SNTA1: variants seen among roughly 807,000 people sequenced by gnomAD.
SNTA1 encodes the protein alpha-1-syntrophin.
In SNTA1, 31 loss-of-function variants were observed where a neutral mutation model predicts 47.1. That is an observed-to-expected ratio of 0.66 (90% CI 0.49 to 0.89). The LOEUF is 0.89. Ranked by LOEUF, SNTA1 falls within the 40% of genes least tolerant of loss-of-function variation. SNTA1 has a pLI of 0.00. For synonymous variants in SNTA1, 300 were observed against 313.6 expected (o/e 0.96, Z 0.46); for missense variants, 575 against 693.0 (o/e 0.83, Z 1.91).
At chr20:33,435,509 C>T (rs555510172) in intron 2 of SNTA1, among the ~76,000 whole-genome samples, 2 of 152,210 alleles carry the variant, frequency 1.3e-5, no homozygotes, top group African/African-American at 4.8e-5. Context: ...CAGAGAATCG[C>T]TTGAACCTGG....
intron 2 of SNTA1, among the ~76,000 whole-genome samples, chr20:33,437,163 G>A (rs1403179587): frequency 2.6e-5 from 4 of 151,240 alleles, no homozygotes; most frequent in East Asian, 1.9e-4. Context: ...CTCAGGAGGC[G>A]GAGGCAGAAG....
At chr20:33,416,541 A>G (rs1183190441) in intron 3 of SNTA1, among the ~76,000 whole-genome samples, 1 of 152,172 alleles carries the variant, frequency 6.6e-6, no homozygotes, top group Non-Finnish European at 1.5e-5. Context: ...ACGATGGCTC[A>G]TGCCTGTAAT....
rs140739680 is a variant in SNTA1 at position 33,437,691 on chromosome 20, C to T, written c.496+1150G>A. Among the ~76,000 whole-genome samples, 550 of 152,300 alleles carry T rather than the reference C, an allele frequency of 3.6e-3. 7 individuals carry two copies. The highest frequency in any genetic ancestry group is 0.017 in the Middle Eastern group (5 of 294). The stretch of plus-strand genomic sequence containing the variant: ...CCGTGTTATTCTCCATCAGCCCCCG[C>T]CACCTCCCTGTGCCTGTTCTGGGCC... On this transcript the variant is annotated intron_variant, in intron 2 of 7. Coordinates refer to ENST00000217381, the MANE Select transcript of SNTA1 (RefSeq NM_003098.3).
At position 33,408,682 on chromosome 20, in the gene SNTA1, GA is replaced by G. The variant is rs746145193; in HGVS notation, c.1425+18del. The G allele has an allele frequency of 2.2e-4, 352 of 1,613,548 alleles. 1 individual carries two copies. Among genetic ancestry groups the G allele is most frequent in the Non-Finnish European group, 2.8e-4 (329 of 1,179,608 alleles). ...CACACCCCCTCCTCCCCAGGGTGCA[GA>G]GGCAGCCCCTCACTCACGATCTCGC... is the stretch of plus-strand genomic sequence containing the variant. On this transcript the variant is annotated intron_variant, in intron 7 of 7. Coordinates refer to ENST00000217381, the MANE Select transcript of SNTA1 (RefSeq NM_003098.3).
intron 2 of SNTA1, among the ~76,000 whole-genome samples, chr20:33,428,798 T>G (rs537580376): frequency 1.3e-5 from 2 of 152,272 alleles, no homozygotes; most frequent in South Asian, 4.1e-4. Context: ...TCCAGCAGTC[T>G]GGGAGGCCGA....
chr20:33,433,510 G>A (rs1990363506), intron 2 of SNTA1, among the ~76,000 whole-genome samples: 2 of 150,992 alleles, frequency 1.3e-5, no homozygotes, highest in Admixed American at 1.3e-4. Flanking sequence ...CAGTTGATCT[G>A]CCTGCCTCAG....
chr20:33,430,287 C>CTTT (rs951409757), intron 2 of SNTA1, among the ~76,000 whole-genome samples: 28 of 131,516 alleles, frequency 2.1e-4, no homozygotes, highest in East Asian at 4.4e-4. Flanking sequence ...TTACTTTTTT[C>CTTT]TTTTTTTTTT....
Position 33,414,781 on chromosome 20 carries a change from C to T in SNTA1, c.702-1999G>A, listed in dbSNP as rs149982727. Among the ~76,000 whole-genome samples, 733 of 152,202 alleles carry T rather than the reference C, an allele frequency of 4.8e-3. 6 individuals carry two copies. The highest frequency in any genetic ancestry group is 7.0e-3 in the Non-Finnish European group (476 of 67,998). ...TGCCTCCACGAAGAAGAAAACCGCC[C>T]ATAATTAAAATGGTAGAGCAGGAAG... is the stretch of plus-strand genomic sequence containing the variant. On this transcript the variant is annotated intron_variant, in intron 3 of 7. Transcript: ENST00000217381.
At position 33,438,897 on chromosome 20, in the gene SNTA1, G is replaced by A. The variant is rs141724500; in HGVS notation, c.440C>T (p.Thr147Ile). 2.2e-5 allele frequency: 35 copies of A among 1,613,988 alleles called. No individual in the cohort carries two copies. In the South Asian group the frequency reaches 3.8e-4, roughly 18 times the overall value. The change falls in exon 2 of 8, where the codon ACC becomes ATC. Residue 147 changes from threonine to isoleucine, a missense_variant. By Grantham distance (89) the Thr-to-Ile change is moderately conservative (BLOSUM62 -1). Transcript: ENST00000217381. ...SVNGEDLSSA[T>I]HDEAVQVLKK... ...GAGGACCTGCACCGCCTCATCATGG[G>A]TAGCAGAGGACAAGTCTTCCCCATT...
chr20:33,409,757 A>T (rs1989692120), intron 6 of SNTA1, among the ~76,000 whole-genome samples: 1 of 151,762 alleles, frequency 6.6e-6, no homozygotes, highest in African/African-American at 2.4e-5. Context: ...CAGCCTCCCG[A>T]GTAGCTAGGA....
At chr20:33,422,703 G>A (rs114030199) in intron 2 of SNTA1, among the ~76,000 whole-genome samples, 1,585 of 152,220 alleles carry the variant, frequency 0.01, 21 homozygotes, top group African/African-American at 0.037. Context: ...AAGGTGGGAG[G>A]CTTGCTTGAG....
chr20:33,430,935 C>A (rs1384287004), intron 2 of SNTA1, among the ~76,000 whole-genome samples: 1 of 149,374 alleles, frequency 6.7e-6, no homozygotes, highest in Non-Finnish European at 1.5e-5. Context: ...GGCAACAGAG[C>A]GAGACTCCGT....
chr20:33,428,017 T>A lies in SNTA1; in HGVS notation c.497-10094A>T, dbSNP rs570786474. Among the ~76,000 whole-genome samples, 54 of 152,182 alleles carry A rather than the reference T, an allele frequency of 3.5e-4. 1 individual carries two copies. The highest frequency in any genetic ancestry group is 7.6e-4 in the Non-Finnish European group (52 of 68,010). ...ATAGTGCACTCCGGCCTCGAATTCC[T>A]GGCCTCAAACAATCCTCCAACCTCA... On this transcript the variant is annotated intron_variant, in intron 2 of 7. Coordinates refer to ENST00000217381, the MANE Select transcript of SNTA1 (RefSeq NM_003098.3).
At chr20:33,417,672 A>G (rs1326200404) in intron 3 of SNTA1, 47 bp downstream of exon 3, 3 of 1,389,386 alleles carry the variant, frequency 2.2e-6, no homozygotes, top group Non-Finnish European at 3.1e-6. Flanking sequence ...CCACCACCTG[A>G]CGCCAGGGCA....
intron 1 of SNTA1, among the ~76,000 whole-genome samples, chr20:33,439,439 C>T (rs1990527320): frequency 6.6e-6 from 1 of 152,174 alleles, no homozygotes; most frequent in African/African-American, 2.4e-5. Context: ...CTGCAGTGAG[C>T]TGAGATTGTG....
chr20:33,429,630 C>CA (rs1477120793), intron 2 of SNTA1, among the ~76,000 whole-genome samples: 1 of 151,844 alleles, frequency 6.6e-6, no homozygotes, highest in Non-Finnish European at 1.5e-5. Flanking sequence ...AACTCCATCT[C>CA]AAAAAAACAA....
chr20:33,437,852 G>C (rs146547902), intron 2 of SNTA1, among the ~76,000 whole-genome samples: 2 of 152,374 alleles, frequency 1.3e-5, no homozygotes, highest in Non-Finnish European at 2.9e-5. Context: ...AGCAGGAGGC[G>C]TGTAACAACT....
At chr20:33,439,993 C>T (rs778707265) in intron 1 of SNTA1, among the ~76,000 whole-genome samples, 7 of 152,034 alleles carry the variant, frequency 4.6e-5, no homozygotes, top group East Asian at 1.9e-4. Flanking sequence ...GGCGTGGTAG[C>T]GGATGCCTGT....
chr20:33,422,438 CA>C (rs57774332), intron 2 of SNTA1, among the ~76,000 whole-genome samples: 115 of 131,280 alleles, frequency 8.8e-4, no homozygotes, highest in Non-Finnish European at 9.5e-4. Flanking sequence ...GACTCTGTCT[CA>C]AAAAAAAAAA....
Sources: gnomAD v4.1 joint callset for allele counts (sites outside exome capture counted in the v4.1 genomes callset) on GRCh38, gnomAD v4.1.1 for gene constraint, MANE v1.5 for transcripts, NCBI Gene and HGNC (gene_info 2026-07-23, HGNC 2026-07-21) for gene names.